RUFY4: variants seen among roughly 807,000 people sequenced by gnomAD.
RUFY4 encodes the protein RUN and FYVE domain containing 4, also known as RUN and FYVE domain-containing protein 4.
A neutral mutation model predicts 69.0 loss-of-function variants in RUFY4; 73 were observed. The ratio of observed to expected loss-of-function variants is 1.06; its 90% CI spans 0.88 to 1.29. The LOEUF is 1.29. Among genes scored for constraint, RUFY4 ranks in the 50% most tolerant of loss-of-function variants. The pLI is 0.00. For synonymous variants in RUFY4, 287 were observed against 271.8 expected, an observed-to-expected ratio of 1.06 and a Z score of -0.55; for missense variants, 770 against 705.6, an observed-to-expected ratio of 1.09 and a Z score of -1.03.
intron 3 of RUFY4, chr2:218,060,148 G>T (rs960641798): frequency 9.8e-5 from 46 of 470,090 alleles, no homozygotes; most frequent in Admixed American, 1.9e-4. Flanking sequence ...ATGGCAAGGG[G>T]TGAGGTACCA....
chr2:218,070,204 G>GTC, upstream of RUFY4: 1 of 271,996 alleles, frequency 3.7e-6, no homozygotes, highest in South Asian at 4.3e-5. Context: ...AGGCCCTGTG[G>GTC]GCACAGACAC....
At chr2:218,055,664 A>G (rs1490906933) in intron 2 of RUFY4, among the ~76,000 whole-genome samples, 1 of 152,230 alleles carries the variant, frequency 6.6e-6, no homozygotes, top group Non-Finnish European at 1.5e-5. Flanking sequence ...ATTACTAAGC[A>G]GGAAATTACT....
chr2:218,080,744 C>G (rs569620934), intron 8 of RUFY4, among the ~76,000 whole-genome samples: 6 of 152,332 alleles, frequency 3.9e-5, no homozygotes, highest in Admixed American at 2.0e-4. Flanking sequence ...TGCCAGGCTC[C>G]ATCAGCATCC....
intron 8 of RUFY4, 82 bp downstream of exon 10, chr2:218,076,615 C>G: frequency 6.6e-7 from 1 of 1,517,170 alleles, no homozygotes; most frequent in Non-Finnish European, 8.8e-7. Context: ...CCAGTGAGGT[C>G]TTGTGAGAAC....
At chr2:218,051,436 A>T (rs528626413) in intron 2 of RUFY4, among the ~76,000 whole-genome samples, 1 of 152,168 alleles carries the variant, frequency 6.6e-6, no homozygotes, top group African/African-American at 2.4e-5. Context: ...TCTAATCAAT[A>T]TATTTAATTC....
chr2:218,075,400 T>C (rs762870854), exon 7 of RUFY4: 4 of 1,613,148 alleles, frequency 2.5e-6, no homozygotes, highest in Non-Finnish European at 3.4e-6. Context: ...AAGGGGGCTA[T>C]GGGCACTCAG....
intron 2 of RUFY4, among the ~76,000 whole-genome samples, chr2:218,039,243 A>G (rs1209726418): frequency 1.3e-5 from 2 of 152,166 alleles, no homozygotes; most frequent in Non-Finnish European, 2.9e-5. Context: ...TAAATTTGAC[A>G]TTTGTGGTAG....
chr2:218,043,713 C>G (rs1382847434), intron 2 of RUFY4, among the ~76,000 whole-genome samples: 1 of 152,246 alleles, frequency 6.6e-6, no homozygotes, highest in Non-Finnish European at 1.5e-5. Context: ...CAAGCTCCAC[C>G]TCTGGTCCAC....
intron 9 of RUFY4, among the ~76,000 whole-genome samples, chr2:218,083,726 C>T (rs1390227130): frequency 4.7e-5 from 7 of 150,182 alleles, no homozygotes; most frequent in African/African-American, 9.8e-5. Flanking sequence ...CCAGCCTGGG[C>T]GACAGAGTGA....
intron 3 of RUFY4, 131 bp from the exon 6 acceptor site, chr2:218,072,647 CT>C (rs922523931): frequency 3.8e-6 from 5 of 1,328,890 alleles, no homozygotes; most frequent in African/African-American, 2.9e-5. Flanking sequence ...TCCAGACACC[CT>C]TTTCCTCCCA....
chr2:218,070,472 C>A, upstream of RUFY4: 1 of 780,270 alleles, frequency 1.3e-6, no homozygotes, highest in Admixed American at 2.0e-5. Flanking sequence ...TGCTATGTCA[C>A]CCAAGATTAG....
At chr2:218,052,289 G>A (rs1289179225) in intron 2 of RUFY4, among the ~76,000 whole-genome samples, 3 of 152,148 alleles carry the variant, frequency 2.0e-5, no homozygotes, top group Non-Finnish European at 2.9e-5. Flanking sequence ...AGTGTAAGTC[G>A]ACTCTGTACT....
intron 2 of RUFY4, among the ~76,000 whole-genome samples, chr2:218,044,308 T>C (rs1371113464): frequency 1.3e-5 from 2 of 152,228 alleles, no homozygotes; most frequent in Non-Finnish European, 2.9e-5. Context: ...GACCTGAATA[T>C]GTATGTAAAT....
chr2:218,081,533 G>A (rs1347071799), intron 8 of RUFY4, among the ~76,000 whole-genome samples: 1 of 152,060 alleles, frequency 6.6e-6, no homozygotes, highest in Non-Finnish European at 1.5e-5. Context: ...AGATCCATAG[G>A]CTCTGCTTTA....
chr2:218,077,991 C>A (rs1215527178), intron 8 of RUFY4, among the ~76,000 whole-genome samples: 1 of 152,180 alleles, frequency 6.6e-6, no homozygotes, highest in Non-Finnish European at 1.5e-5. Context: ...GTCTCACAGA[C>A]CACAGTGCTC....
chr2:218,058,168 A>G (rs1423869017), intron 2 of RUFY4, among the ~76,000 whole-genome samples: 2 of 152,212 alleles, frequency 1.3e-5, no homozygotes, highest in African/African-American at 4.8e-5. Context: ...CCAAAATTAC[A>G]AGATGCAAAA....
Position 218,047,357 on chromosome 2 carries a change from A to G in RUFY4, c.-1157-11238A>G, listed in dbSNP as rs373219023. 1.2e-3 allele frequency among the ~76,000 whole-genome samples: 185 copies of G among 152,234 alleles called. 7 individuals carry two copies. In the South Asian group the frequency reaches 0.037, roughly 31 times the overall value. On this transcript the variant is annotated intron_variant and NMD_transcript_variant, in intron 2 of 13. Transcript: ENST00000457754. Reference sequence around the variant, plus strand: ...TAATGTTTGTACTATGACCACAAATAAAGTTCTTCTTTCATAGACCTTCTG... The same window carrying G: ...TAATGTTTGTACTATGACCACAAATGAAGTTCTTCTTTCATAGACCTTCTG...
chr2:218,060,492 A>G lies in RUFY4; in HGVS notation c.-1071+1811A>G, dbSNP rs59564632. 0.026 allele frequency: 34,173 copies of G among 1,318,008 alleles called. 4,429 individuals are homozygous for G. The African/African-American group carries it at 0.34, about 13-fold the overall frequency. The allele number at this position is 1,318,008 out of a possible 1,614,324, so 81.6% of individuals were successfully genotyped here. On this transcript the variant is annotated intron_variant and NMD_transcript_variant, in intron 3 of 13. Coordinates refer to the RUFY4 transcript ENST00000457754. ...GGCCAATGAAGGCGTAGATGAGGGGATTGAGGTAGCTGTGAAGGATGCCCA... is the reference window on the plus strand; with the variant it reads ...GGCCAATGAAGGCGTAGATGAGGGGGTTGAGGTAGCTGTGAAGGATGCCCA...
intron 2 of RUFY4, among the ~76,000 whole-genome samples, chr2:218,048,429 C>T (rs1010240268): frequency 6.6e-6 from 1 of 152,146 alleles, no homozygotes; most frequent in Non-Finnish European, 1.5e-5. Context: ...TGCAGAAACT[C>T]TTTAGTTTAA....
Sources: gnomAD v4.1 joint callset for allele counts (sites outside exome capture counted in the v4.1 genomes callset) on GRCh38, gnomAD v4.1.1 for gene constraint, MANE v1.5 for transcripts, NCBI Gene and HGNC (gene_info 2026-07-23, HGNC 2026-07-21) for gene names.